Variants in PSMA1 observed in about 807,000 individuals in gnomAD.
PSMA1 encodes the protein proteasome subunit alpha type-1.
Under a neutral mutation model 38.4 loss-of-function variants are expected in PSMA1, and 3 were observed. The observed-to-expected ratio is 0.08, with a 90% CI of 0.04 to 0.20. The LOEUF is 0.20. Among genes scored for constraint, PSMA1 ranks in the 10% least tolerant of loss-of-function variants. The probability of loss-of-function intolerance (pLI) is 1.00; values close to 1 mark genes in which losing one functional copy is unlikely to be tolerated. For missense variants in PSMA1, 227 were observed against 325.3 expected (o/e 0.70, Z 2.32); for synonymous variants, 101 against 107.1 (o/e 0.94, Z 0.35).
At chr11:14,576,307 G>A (rs2134181078) in intron 2 of PSMA1, among the ~76,000 whole-genome samples, 2 of 152,156 alleles carry the variant, frequency 1.3e-5, no homozygotes, top group East Asian at 3.9e-4. Flanking sequence ...GTCAATTTTG[G>A]CTTTTGTTGC....
chr11:14,542,914 G>A (rs1385830905), intron 2 of PSMA1, among the ~76,000 whole-genome samples: 1 of 152,086 alleles, frequency 6.6e-6, no homozygotes, highest in African/African-American at 2.4e-5. Flanking sequence ...GGAGTGCCGC[G>A]GCAAGATCTC....
intron 2 of PSMA1, among the ~76,000 whole-genome samples, chr11:14,564,376 G>A (rs527787638): frequency 1.3e-5 from 2 of 152,188 alleles, no homozygotes; most frequent in South Asian, 4.1e-4. Flanking sequence ...CATTGATAAT[G>A]TGTTCTTTTT....
chr11:14,525,453 A>AT (rs1851575804), intron 2 of PSMA1, among the ~76,000 whole-genome samples: 1 of 152,040 alleles, frequency 6.6e-6, no homozygotes, highest in African/African-American at 2.4e-5. Flanking sequence ...CCAATATCCC[A>AT]TCCCACAGCA....
intron 2 of PSMA1, among the ~76,000 whole-genome samples, chr11:14,572,963 A>T (rs1852164582): frequency 6.6e-6 from 1 of 152,206 alleles, no homozygotes; most frequent in Non-Finnish European, 1.5e-5. Context: ...AGACTAAACC[A>T]GGAAGAAGTT....
chr11:14,542,564 A>G (rs1851784532), intron 2 of PSMA1, among the ~76,000 whole-genome samples: 1 of 152,240 alleles, frequency 6.6e-6, no homozygotes. Context: ...ATTGCCAGAC[A>G]ATGGCTTCCT....
chr11:14,616,585 G>C (rs542218153), intron 1 of PSMA1, among the ~76,000 whole-genome samples: 3 of 152,114 alleles, frequency 2.0e-5, no homozygotes, highest in African/African-American at 7.2e-5. Context: ...TCAACAAATT[G>C]AGAAATAAGA....
At chr11:14,591,811 G>A (rs990811718) in intron 2 of PSMA1, among the ~76,000 whole-genome samples, 4 of 152,152 alleles carry the variant, frequency 2.6e-5, no homozygotes, top group African/African-American at 9.7e-5. Flanking sequence ...TGTGGGTGGG[G>A]CCAGATAAGA....
At chr11:14,592,374 CTCTATATATATATATA>C (rs1852430106) in intron 2 of PSMA1, among the ~76,000 whole-genome samples, 1 of 119,256 alleles carries the variant, frequency 8.4e-6, no homozygotes, top group African/African-American at 3.5e-5. Context: ...CTCTCTCTCT[CTCTATATATATATATA>C]TATATTTTTT....
chr11:14,544,202 G>T (rs1252066705), intron 2 of PSMA1, among the ~76,000 whole-genome samples: 1 of 152,002 alleles, frequency 6.6e-6, no homozygotes. Context: ...GCTAATTTTC[G>T]TATTTTTTGC....
At chr11:14,610,986 T>C (rs752434131) in exon 2 of PSMA1, 4 of 1,613,172 alleles carry the variant, frequency 2.5e-6, no homozygotes, top group Non-Finnish European at 3.4e-6. Context: ...CTGAGCTGCA[T>C]AACATTTCCA....
intron 1 of PSMA1, among the ~76,000 whole-genome samples, chr11:14,628,264 C>T (rs939844894): frequency 2.1e-5 from 3 of 145,210 alleles, no homozygotes; most frequent in African/African-American, 7.8e-5. Flanking sequence ...TGCGCTGCAC[C>T]CACTAACTTG....
chr11:14,588,821 G>A (rs1852379853), intron 2 of PSMA1, among the ~76,000 whole-genome samples: 1 of 152,148 alleles, frequency 6.6e-6, no homozygotes, highest in African/African-American at 2.4e-5. Flanking sequence ...CCCTTGCTCA[G>A]TCTACTCCAG....
chr11:14,623,313 G>C (rs573406462), intron 1 of PSMA1, among the ~76,000 whole-genome samples: 1 of 152,302 alleles, frequency 6.6e-6, no homozygotes, highest in South Asian at 2.1e-4. Context: ...CTGTATGTGA[G>C]TACAAGCTCA....
intron 2 of PSMA1, among the ~76,000 whole-genome samples, chr11:14,575,505 C>A (rs578211604): frequency 6.6e-6 from 1 of 151,742 alleles, no homozygotes; most frequent in Non-Finnish European, 1.5e-5. Flanking sequence ...TTAGAACATG[C>A]GGTGTTTGGT....
At chr11:14,629,459 T>C (rs1248283081) in intron 1 of PSMA1, among the ~76,000 whole-genome samples, 1 of 151,892 alleles carries the variant, frequency 6.6e-6, no homozygotes, top group Non-Finnish European at 1.5e-5. Flanking sequence ...CTCAGGTTTG[T>C]CAAAGATCAG....
intron 1 of PSMA1, chr11:14,520,061 G>A (rs1851502022): frequency 3.2e-6 from 2 of 622,692 alleles, no homozygotes; most frequent in Non-Finnish European, 5.7e-6. Flanking sequence ...TGACCGAGGA[G>A]GAAGTGTCGG....
At chr11:14,532,781 T>A (rs1851662687) in intron 2 of PSMA1, among the ~76,000 whole-genome samples, 1 of 145,292 alleles carries the variant, frequency 6.9e-6, no homozygotes. Context: ...AACCCCAGCT[T>A]CTTGGGAGGC....
rs202180393 is a variant in PSMA1 at position 14,584,500 on chromosome 11, G to T, written c.21+26466C>A. Among the ~76,000 whole-genome samples, 867 of 133,592 alleles carry T rather than the reference G, an allele frequency of 6.5e-3. 5 individuals are homozygous for T. The highest frequency in any genetic ancestry group is 0.017 in the African/African-American group (562 of 33,810). The allele number at this position is 133,592 out of a possible 152,430, so 87.6% of individuals were successfully genotyped here. Reference sequence around the variant, plus strand: ...TAATATGGTTTGGAGTGTTTTTTTTGTTTTTTGTTTTTTTTTTTTTTTTTT... The same window carrying T: ...TAATATGGTTTGGAGTGTTTTTTTTTTTTTTTGTTTTTTTTTTTTTTTTTT... On this transcript the variant is annotated intron_variant, in intron 2 of 10. Transcript: ENST00000418988.
intron 1 of PSMA1, among the ~76,000 whole-genome samples, chr11:14,622,040 T>C (rs954486808): frequency 1.3e-5 from 2 of 152,226 alleles, no homozygotes; most frequent in Non-Finnish European, 2.9e-5. Context: ...AATCCATTCA[T>C]AAAATACATA....
Sources: gnomAD v4.1 joint callset for allele counts (sites outside exome capture counted in the v4.1 genomes callset) on GRCh38, gnomAD v4.1.1 for gene constraint, MANE v1.5 for transcripts, NCBI Gene and HGNC (gene_info 2026-07-23, HGNC 2026-07-21) for gene names.